The following PHACTR2 variants were observed in gnomAD, a reference collection of about 807,000 sequenced individuals.
PHACTR2 encodes the protein chromosome 6 open reading frame 56.
PHACTR2 carries 30 observed loss-of-function variants against 76.0 expected under a neutral mutation model. The ratio of observed to expected loss-of-function variants is 0.39; its 90% CI spans 0.30 to 0.54. The LOEUF (loss-of-function observed/expected upper bound fraction) is 0.54. Among genes scored for constraint, PHACTR2 ranks in the 20% least tolerant of loss-of-function variants. The pLI is 0.61. For missense variants in PHACTR2, 696 were observed against 781.1 expected (o/e 0.89, Z 1.30); for synonymous variants, 292 against 292.5 (o/e 1.00, Z 0.02).
intron 2 of PHACTR2, among the ~76,000 whole-genome samples, chr6:143,725,573 T>C (rs1433964046): frequency 6.6e-6 from 1 of 151,904 alleles, no homozygotes; most frequent in East Asian, 1.9e-4. Context: ...TTCTTCACCA[T>C]AGTTTTGTTG....
intron 1 of PHACTR2, among the ~76,000 whole-genome samples, chr6:143,655,157 C>CAAAAAA (rs151076366): frequency 9.1e-5 from 9 of 98,990 alleles, no homozygotes; most frequent in African/African-American, 1.2e-4. Flanking sequence ...AACTCCGTCT[C>CAAAAAA]AAAAAAAAAA....
At chr6:143,576,246 G>A (rs888916813) in intron 1 of PHACTR2, among the ~76,000 whole-genome samples, 7 of 152,208 alleles carry the variant, frequency 4.6e-5, no homozygotes, top group Non-Finnish European at 8.8e-5. Flanking sequence ...CAAACTGGAA[G>A]AGATGCTGCT....
intron 2 of PHACTR2, among the ~76,000 whole-genome samples, chr6:143,727,750 T>C (rs1185888063): frequency 8.1e-6 from 1 of 123,214 alleles, no homozygotes; most frequent in African/African-American, 4.0e-5. Context: ...GTATGTGTTT[T>C]TGAGAAATAT....
intron 1 of PHACTR2, among the ~76,000 whole-genome samples, chr6:143,600,405 T>C (rs116538602): frequency 0.01 from 1,573 of 152,372 alleles, 20 homozygotes; most frequent in African/African-American, 0.036. Context: ...ACAGATGCCT[T>C]CCTCTGCATT....
rs1285201842 is a variant in PHACTR2 at position 143,547,331 on chromosome 6, C to T, written c.217+10124C>T. Among the ~76,000 whole-genome samples the T allele has an allele frequency of 6.6e-6, 1 of 152,184 alleles. No individual in the cohort carries two copies. The highest frequency in any genetic ancestry group is 6.5e-5 in the Admixed American group (1 of 15,284). ...ATTTGAAAAAGCATTCCATAAATGG[C>T]AGTAACAGTGGCCACATAGTAGGAA... is the stretch of plus-strand genomic sequence containing the variant. On this transcript the variant is annotated intron_variant, in intron 1 of 11. Coordinates refer to the PHACTR2 transcript ENST00000367584. This position sits in a 1 kb window ranked among gnomAD's most constrained non-coding sequence, Gnocchi z 4.2.
rs539999666 is a variant in PHACTR2 at position 143,596,525 on chromosome 6, A to G, written c.217+59318A>G. On this transcript the variant is annotated intron_variant, in intron 1 of 11. Coordinates refer to the PHACTR2 transcript ENST00000367584. This position sits in a 1 kb window ranked among gnomAD's most constrained non-coding sequence, Gnocchi z 4.6. ...TCGACAAGTGAATGTTTTTGAAAAC[A>G]CCAAAACTCTGTGTAAGAATCACAG... Among the ~76,000 whole-genome samples, 1 of 152,332 alleles carries G rather than the reference A, an allele frequency of 6.6e-6. No homozygotes were observed. Among genetic ancestry groups the G allele is most frequent in the Non-Finnish European group, 1.5e-5 (1 of 68,032 alleles).
At chr6:143,706,968 T>C (rs1273321780) in intron 1 of PHACTR2, among the ~76,000 whole-genome samples, 1 of 152,208 alleles carries the variant, frequency 6.6e-6, no homozygotes, top group Non-Finnish European at 1.5e-5. Context: ...TCTTAAGTTA[T>C]TGTTTCAATT....
rs1458978570 is a variant in PHACTR2, at chr6:143,782,378, A to G, written c.1646-841A>G. Among the ~76,000 whole-genome samples, 1 of 152,238 alleles carries G rather than the reference A, an allele frequency of 6.6e-6. No homozygotes were observed. The highest frequency in any genetic ancestry group is 1.9e-4 in the East Asian group (1 of 5,202). On this transcript the variant is annotated intron_variant, in intron 9 of 12. Coordinates refer to ENST00000440869, the MANE Select transcript of PHACTR2 (RefSeq NM_001100164.2). The surrounding 1 kb of genome is among the most constrained non-coding windows in gnomAD (Gnocchi z 4.6). ...TAATCTTTCATAAGCATCGGTATCC[A>G]AGAAGCAAAATGTATGCTCACTGAT...
chr6:143,621,268 G>A lies in PHACTR2; in HGVS notation c.13+12946G>A, dbSNP rs1172541812. Among the ~76,000 whole-genome samples the A allele has an allele frequency of 6.6e-6, 1 of 152,174 alleles. No individual in the cohort carries two copies. Among genetic ancestry groups the A allele is most frequent in the Non-Finnish European group, 1.5e-5 (1 of 68,018 alleles). ...AGAAAACATCAGGAGGCCCCCACAG[G>A]TTTCATTCTGGCTTCTTCAATTTGG... On this transcript the variant is annotated intron_variant, in intron 1 of 11. Coordinates refer to the PHACTR2 transcript ENST00000305766. The surrounding 1 kb of genome is among the most constrained non-coding windows in gnomAD (Gnocchi z 4.1).
In PHACTR2 at chr6:143,755,589, T is replaced by A. The variant is rs1044518278; in HGVS notation, c.454+1677T>A. On this transcript the variant is annotated intron_variant, in intron 4 of 12. Coordinates refer to ENST00000440869, the MANE Select transcript of PHACTR2 (RefSeq NM_001100164.2). This position sits in a 1 kb window ranked among gnomAD's most constrained non-coding sequence, Gnocchi z 5.2. ...AGAGATGTTTTTCTTTGCTTAGAAT[T>A]AGTACATTCAATTCTTCCTTATCTG... The A allele has an allele frequency of 2.6e-5, 8 of 302,062 alleles. No individual in the cohort carries two copies. In the East Asian group the frequency reaches 6.6e-4, roughly 25 times the overall value. The allele number at this position is 302,062 out of a possible 1,614,324, so 18.7% of individuals were successfully genotyped here.
rs547506226 is a variant in PHACTR2 at position 143,773,986 on chromosome 6, A to G, written c.1433-73A>G. 4.5e-5 allele frequency: 59 copies of G among 1,321,990 alleles called. No homozygotes were observed. In the East Asian group the frequency reaches 1.3e-3, roughly 29 times the overall value. 81.9% of individuals were successfully genotyped at this position (1,321,990 alleles called of 1,614,324 possible). A position where few individuals can be genotyped will look rare whatever the true frequency, so the allele number is the denominator to read the frequency against. ...TTGGTCTGGGCTCTATTTAAAGTCC[A>G]TGCCATGTGTAACCTGAGTGCCACT... On this transcript the variant is annotated intron_variant, in intron 7 of 12. Transcript: ENST00000440869.
chr6:143,764,061 C>T lies in PHACTR2; in HGVS notation c.695-1200C>T, dbSNP rs1215020603. On this transcript the variant is annotated intron_variant, in intron 5 of 12. Transcript: ENST00000440869. The surrounding 1 kb of genome is among the most constrained non-coding windows in gnomAD (Gnocchi z 4.7). ...AGTAGTTAATCTTTTTGTTTTGAAA[C>T]TGTTTTGATTGAGGGTGCCCTATCC... Among the ~76,000 whole-genome samples the T allele has an allele frequency of 2.0e-5, 3 of 152,152 alleles. No individual in the cohort carries two copies. In the South Asian group the frequency reaches 6.2e-4, roughly 32 times the overall value.
intron 1 of PHACTR2, among the ~76,000 whole-genome samples, chr6:143,705,870 A>G (rs1439703320): frequency 6.6e-6 from 1 of 152,176 alleles, no homozygotes; most frequent in East Asian, 1.9e-4. Flanking sequence ...GGAAGTCACT[A>G]TGGATAGCCC....
rs945082604 is a variant in PHACTR2, at chr6:143,581,314, T to C, written c.217+44107T>C. Among the ~76,000 whole-genome samples the C allele has an allele frequency of 6.6e-6, 1 of 152,156 alleles. No homozygotes were observed. Among genetic ancestry groups the C allele is most frequent in the Admixed American group, 6.5e-5 (1 of 15,278 alleles). ...AGATGACTGTATCAAGTTATCCTCC[T>C]GACCGGGCGCAGTGGTTCATGCCTG... On this transcript the variant is annotated intron_variant, in intron 1 of 11. Coordinates refer to the PHACTR2 transcript ENST00000367584. The surrounding 1 kb of genome is among the most constrained non-coding windows in gnomAD (Gnocchi z 4.5).
In PHACTR2 at chr6:143,760,782, C is replaced by T. The variant is rs1779423989; in HGVS notation, c.694+142C>T. 1.1e-6 allele frequency: 1 copy of T among 944,804 alleles called. No homozygotes were observed. Among genetic ancestry groups the T allele is most frequent in the Non-Finnish European group, 1.5e-6 (1 of 649,244 alleles). The allele number at this position is 944,804 out of a possible 1,614,324, so 58.5% of individuals were successfully genotyped here. On this transcript the variant is annotated intron_variant, in intron 5 of 12. Transcript: ENST00000440869. The surrounding 1 kb of genome is among the most constrained non-coding windows in gnomAD (Gnocchi z 6.4). ...AGGTTCAGCTTTGACACAAAGAATG[C>T]CCAGGAGATTCCTTTGTTGCTCTCT...
At chr6:143,638,914 T>C (rs1415102158) in intron 1 of PHACTR2, among the ~76,000 whole-genome samples, 1 of 152,248 alleles carries the variant, frequency 6.6e-6, no homozygotes, top group African/African-American at 2.4e-5. Context: ...TCCTTAATAA[T>C]CAGTAGTTTA....
rs1777329762 is a variant in PHACTR2 at position 143,679,298 on chromosome 6, A to G, written c.46+1089A>G. ...ACAAGCTTTGCTGAGGTTTCTGTTA[A>G]TACCACAGAAGACCCTTCTGCAAAG... On this transcript the variant is annotated intron_variant, in intron 1 of 12. Coordinates refer to ENST00000440869, the MANE Select transcript of PHACTR2 (RefSeq NM_001100164.2). The surrounding 1 kb of genome is among the most constrained non-coding windows in gnomAD (Gnocchi z 4.6). Among the ~76,000 whole-genome samples, 1 of 152,212 alleles carries G rather than the reference A, an allele frequency of 6.6e-6. No individual in the cohort carries two copies. Among genetic ancestry groups the G allele is most frequent in the African/African-American group, 2.4e-5 (1 of 41,448 alleles).
intron 1 of PHACTR2, among the ~76,000 whole-genome samples, chr6:143,555,929 T>G (rs984901116): frequency 2.6e-5 from 4 of 152,058 alleles, no homozygotes; most frequent in African/African-American, 9.7e-5. Flanking sequence ...TTAGCTTTTT[T>G]TTTTTTTTTA....
chr6:143,632,797 C>A (rs1353372275), intron 1 of PHACTR2, among the ~76,000 whole-genome samples: 1 of 152,192 alleles, frequency 6.6e-6, no homozygotes, highest in African/African-American at 2.4e-5. Context: ...CAACCACTGA[C>A]CTTTTTACTG....
Sources: gnomAD v4.1 joint callset for allele counts (sites outside exome capture counted in the v4.1 genomes callset) on GRCh38, gnomAD v4.1.1 for gene constraint, Gnocchi (gnomAD v3.1) non-coding constraint, MANE v1.5 for transcripts, NCBI Gene and HGNC (gene_info 2026-07-23, HGNC 2026-07-21) for gene names.